EIF3H: variants seen among roughly 807,000 people sequenced by gnomAD.
EIF3H encodes eukaryotic translation initiation factor 3 subunit H, also known as eIF-3-gamma.
A neutral mutation model predicts 44.2 loss-of-function variants in EIF3H; 26 were observed. The ratio of observed to expected loss-of-function variants is 0.59; its 90% CI spans 0.43 to 0.82. The LOEUF is 0.82. EIF3H is among the 40% of genes least tolerant of loss of function. The pLI, the probability that EIF3H is intolerant of heterozygous loss-of-function variation, is 0.00. For synonymous variants in EIF3H, 166 were observed against 151.9 expected (o/e 1.09, Z -0.68); for missense variants, 359 against 432.8 (o/e 0.83, Z 1.51).
intron 2 of EIF3H, among the ~76,000 whole-genome samples, chr8:116,695,733 T>C (rs1268410057): frequency 6.6e-6 from 1 of 152,108 alleles, no homozygotes; most frequent in Admixed American, 6.5e-5. Flanking sequence ...TGGGATGGTA[T>C]GTGGAGTCAG....
intron 2 of EIF3H, among the ~76,000 whole-genome samples, chr8:116,677,767 C>G (rs1026616098): frequency 2.0e-5 from 3 of 152,150 alleles, no homozygotes; most frequent in Admixed American, 6.5e-5. Flanking sequence ...AGCTCATGTT[C>G]CTTTCAATAT....
At chr8:116,693,548 GT>G (rs1409305400) in intron 2 of EIF3H, among the ~76,000 whole-genome samples, 2 of 152,188 alleles carry the variant, frequency 1.3e-5, no homozygotes, top group Non-Finnish European at 2.9e-5. Context: ...TGATAAATCT[GT>G]TAATGTCAAC....
intron 5 of EIF3H, among the ~76,000 whole-genome samples, chr8:116,650,821 G>A (rs1013952099): frequency 6.6e-6 from 1 of 152,114 alleles, no homozygotes; most frequent in Non-Finnish European, 1.5e-5. Flanking sequence ...TGGATTTTTT[G>A]TATTTTCAAT....
At chr8:116,729,503 C>G (rs1380421352) in intron 1 of EIF3H, among the ~76,000 whole-genome samples, 1 of 152,144 alleles carries the variant, frequency 6.6e-6, no homozygotes, top group Non-Finnish European at 1.5e-5. Flanking sequence ...ACAGCCAATG[C>G]AATTTTATGT....
intron 2 of EIF3H, among the ~76,000 whole-genome samples, chr8:116,667,473 A>AT: frequency 6.6e-6 from 1 of 151,986 alleles, no homozygotes; most frequent in South Asian, 2.1e-4. Flanking sequence ...ACAAAAAAAA[A>AT]AAAAAGATTA....
chr8:116,711,934 AAGC>A (rs1814578159), intron 2 of EIF3H, among the ~76,000 whole-genome samples: 5 of 149,098 alleles, frequency 3.4e-5, no homozygotes, highest in Admixed American at 3.3e-4. Flanking sequence ...AAATGTAGGT[AAGC>A]AAAGGCCAAA....
intron 1 of EIF3H, among the ~76,000 whole-genome samples, chr8:116,735,410 A>G (rs1385056333): frequency 6.6e-6 from 1 of 152,248 alleles, no homozygotes; most frequent in Non-Finnish European, 1.5e-5. Context: ...ACCTAGTCCC[A>G]GGAATCTACC....
At chr8:116,659,054 T>G in intron 2 of EIF3H, 74 bp from the exon 3 acceptor site, 1 of 1,332,910 alleles carries the variant, frequency 7.5e-7, no homozygotes, top group Non-Finnish European at 1.0e-6. Context: ...ACAAGCCGTT[T>G]TGGAAACAAA....
At chr8:116,705,623 T>C (rs1466533603) in intron 2 of EIF3H, among the ~76,000 whole-genome samples, 2 of 151,914 alleles carry the variant, frequency 1.3e-5, no homozygotes, top group African/African-American at 4.8e-5. Context: ...TGAGGAACAT[T>C]TTACAAAATA....
At chr8:116,734,091 C>T (rs981741259) in intron 1 of EIF3H, among the ~76,000 whole-genome samples, 1 of 152,092 alleles carries the variant, frequency 6.6e-6, no homozygotes, top group South Asian at 2.1e-4. Context: ...GTAAAAATGG[C>T]AAATTATGTA....
intron 1 of EIF3H, among the ~76,000 whole-genome samples, chr8:116,752,752 AGAGGGAGGGAGGGAGGGAGGGAGG>A (rs539328331): frequency 7.3e-4 from 30 of 40,898 alleles, no homozygotes; most frequent in South Asian, 4.0e-3. Flanking sequence ...AAAGAAAGAA[AGAGGGAGGGAGGGAGGGAGGGAGG>A]GAGGGAGGGA....
chr8:116,649,269 T>A (rs1813352234), intron 5 of EIF3H, among the ~76,000 whole-genome samples: 1 of 152,184 alleles, frequency 6.6e-6, no homozygotes, highest in South Asian at 2.1e-4. Context: ...TTTCATTAAC[T>A]TACTCCTGCC....
chr8:116,658,547 C>A, intron 3 of EIF3H: 1 of 339,380 alleles, frequency 2.9e-6, no homozygotes, highest in Non-Finnish European at 5.4e-6. Flanking sequence ...CCAGCCCCTT[C>A]AATGAGGGAG....
At chr8:116,688,742 T>A (rs1286118243) in intron 2 of EIF3H, among the ~76,000 whole-genome samples, 2 of 140,048 alleles carry the variant, frequency 1.4e-5, no homozygotes, top group East Asian at 2.0e-4. Flanking sequence ...TATTAAGTTG[T>A]GCATCTGTTT....
In EIF3H at chr8:116,657,196, G is replaced by C. The variant is rs772784382; in HGVS notation, c.557+19C>G. On this transcript the variant is annotated intron_variant, in intron 4 of 7. Transcript: ENST00000521861. Reference sequence around the variant, plus strand: ...CAGAAAAATACCCAACCCTTTACCAGATGCCCCCAAACACTTACGCTTCAG... The same window carrying C: ...CAGAAAAATACCCAACCCTTTACCACATGCCCCCAAACACTTACGCTTCAG... 6.3e-7 allele frequency: 1 copy of C among 1,580,882 alleles called. No homozygotes were observed. Among genetic ancestry groups the C allele is most frequent in the Non-Finnish European group, 8.7e-7 (1 of 1,149,954 alleles).
intron 2 of EIF3H, among the ~76,000 whole-genome samples, chr8:116,695,840 G>A (rs1254786777): frequency 2.0e-5 from 3 of 152,112 alleles, no homozygotes; most frequent in African/African-American, 7.2e-5. Flanking sequence ...ATAAATAAAT[G>A]TATTAAGAAT....
intron 1 of EIF3H, chr8:116,734,372 C>T (rs867988289): frequency 2.6e-5 from 12 of 455,942 alleles, no homozygotes; most frequent in South Asian, 1.2e-4. Flanking sequence ...GAAGAGAATA[C>T]TTGACGACTA....
At chr8:116,697,131 C>T in intron 2 of EIF3H, 1 of 456,250 alleles carries the variant, frequency 2.2e-6, no homozygotes. Context: ...CTCTTAGTGT[C>T]CAACCAAATT....
At chr8:116,703,650 G>A (rs962879592) in intron 2 of EIF3H, among the ~76,000 whole-genome samples, 1 of 152,164 alleles carries the variant, frequency 6.6e-6, no homozygotes, top group Non-Finnish European at 1.5e-5. Context: ...ACAGGGAAGG[G>A]CCCCTGTCCG....
Sources: allele counts gnomAD v4.1 joint callset (sites outside exome capture counted in the v4.1 genomes callset), GRCh38; gene constraint gnomAD v4.1.1; transcripts MANE v1.5; gene names NCBI Gene and HGNC (gene_info 2026-07-23, HGNC 2026-07-21).